CAMSAP1: variants seen among roughly 807,000 people sequenced by gnomAD.
CAMSAP1 encodes calmodulin-regulated spectrin-associated protein 1.
A neutral mutation model predicts 143.5 loss-of-function variants in CAMSAP1; 58 were observed. The ratio of observed to expected loss-of-function variants is 0.40; its 90% CI spans 0.33 to 0.50. The LOEUF (loss-of-function observed/expected upper bound fraction) is 0.50. CAMSAP1 is among the 20% of genes least tolerant of loss of function. CAMSAP1 has a pLI of 0.45. For missense variants in CAMSAP1, 1,969 were observed against 2,115.7 expected, an observed-to-expected ratio of 0.93 and a Z score of 1.36; for synonymous variants, 945 against 859.3, an observed-to-expected ratio of 1.10 and a Z score of -1.74.
At chr9:135,889,005 A>AC (rs1192089856) in intron 1 of CAMSAP1, among the ~76,000 whole-genome samples, 1 of 152,106 alleles carries the variant, frequency 6.6e-6, no homozygotes, top group Middle Eastern at 3.2e-3. Flanking sequence ...AGCAAGGGAG[A>AC]CCCTCGGGAA....
chr9:135,895,120 A>G (rs1487304472), intron 1 of CAMSAP1, among the ~76,000 whole-genome samples: 1 of 152,252 alleles, frequency 6.6e-6, no homozygotes. Context: ...CGGGAGAATA[A>G]CAAAAGATCC....
chr9:135,848,511 AC>A (rs1836658223), intron 7 of CAMSAP1, among the ~76,000 whole-genome samples: 1 of 151,664 alleles, frequency 6.6e-6, no homozygotes, highest in Non-Finnish European at 1.5e-5. Context: ...CCAGACACAC[AC>A]ACACACACAC....
In CAMSAP1 at chr9:135,883,747, C is replaced by T. The variant is rs1295648926; in HGVS notation, c.161-669G>A. Among the ~76,000 whole-genome samples, 5 of 152,354 alleles carry T rather than the reference C, an allele frequency of 3.3e-5. No homozygotes were observed. The South Asian group carries it at 1.0e-3, about 32-fold the overall frequency. On this transcript the variant is annotated intron_variant, in intron 1 of 16. Transcript: ENST00000389532. ...TGAACCACGCTACTTAATCTTGCCACTGCAGTTCCCTCAAATGAGGACTAC... is the reference window on the plus strand; with the variant it reads ...TGAACCACGCTACTTAATCTTGCCATTGCAGTTCCCTCAAATGAGGACTAC...
intron 5 of CAMSAP1, among the ~76,000 whole-genome samples, chr9:135,851,888 CTG>C (rs1836795712): frequency 6.6e-6 from 1 of 152,238 alleles, no homozygotes; most frequent in Non-Finnish European, 1.5e-5. Context: ...CAGGCATACT[CTG>C]AGAGGGGACT....
At position 135,882,587 on chromosome 9, in the gene CAMSAP1, T is replaced by C. The variant is rs1837995016; in HGVS notation, c.423+229A>G. On this transcript the variant is annotated intron_variant, in intron 2 of 16. Coordinates refer to ENST00000389532, the MANE Select transcript of CAMSAP1 (RefSeq NM_015447.4). This position sits in a 1 kb window ranked among gnomAD's most constrained non-coding sequence, Gnocchi z 4.9. ...CTCCAATCTCAGCATTCACAGAGCA[T>C]TCCCAATGAGAAAAAGAGCTCAATG... 6.6e-6 allele frequency among the ~76,000 whole-genome samples: 1 copy of C among 152,246 alleles called. No individual in the cohort carries two copies. The highest frequency in any genetic ancestry group is 1.5e-5 in the Non-Finnish European group (1 of 68,036).
intron 1 of CAMSAP1, among the ~76,000 whole-genome samples, chr9:135,890,634 G>A (rs1468992810): frequency 6.6e-6 from 1 of 152,158 alleles, no homozygotes; most frequent in Admixed American, 6.5e-5. Flanking sequence ...CCAGCCTCAG[G>A]GGACTAGAGC....
intron 3 of CAMSAP1, among the ~76,000 whole-genome samples, chr9:135,878,611 T>C (rs1051310631): frequency 6.6e-6 from 1 of 152,124 alleles, no homozygotes; most frequent in Non-Finnish European, 1.5e-5. Flanking sequence ...ACCCCACCTG[T>C]AGAGTGAAAG....
intron 7 of CAMSAP1, among the ~76,000 whole-genome samples, chr9:135,836,002 A>C (rs1429974315): frequency 3.9e-5 from 6 of 152,148 alleles, no homozygotes; most frequent in African/African-American, 1.4e-4. Flanking sequence ...AAAAACAACA[A>C]AAAAATTATT....
rs1837868748 is a variant in CAMSAP1 at position 135,879,621 on chromosome 9, A to G, written c.585+2012T>C. On this transcript the variant is annotated intron_variant, in intron 3 of 16. Transcript: ENST00000389532. Reference sequence around the variant, plus strand: ...GACATGGGAAAAGACACCTACACAAACTAATAGAAAGGAAAATGTTACAAT... The same window carrying G: ...GACATGGGAAAAGACACCTACACAAGCTAATAGAAAGGAAAATGTTACAAT... Among the ~76,000 whole-genome samples, 2 of 152,028 alleles carry G rather than the reference A, an allele frequency of 1.3e-5. 1 individual carries two copies. Among genetic ancestry groups the G allele is most frequent in the African/African-American group, 4.8e-5 (2 of 41,368 alleles).
intron 5 of CAMSAP1, among the ~76,000 whole-genome samples, chr9:135,852,554 T>C (rs1043273291): frequency 5.9e-5 from 9 of 152,212 alleles, no homozygotes; most frequent in Non-Finnish European, 1.2e-4. Flanking sequence ...GAGATGTCTA[T>C]GCCGCCATGT....
chr9:135,821,931 G>C lies in CAMSAP1; in HGVS notation c.2730C>G (p.Leu910=), dbSNP rs745810794. The change falls in exon 11 of 17, where the codon CTC becomes CTG. Residue 910 remains leucine (L), a synonymous_variant. Transcript: ENST00000389532. The surrounding 1 kb of genome is among the most constrained non-coding windows in gnomAD (Gnocchi z 4.6). ...EALSARQRLK[L]GKAAFLHVVK... ...CCACATGCAGGAATGCAGCCTTGCCGAGCTTCAGGCGCTGCCTTGCCGACA... is the reference window on the plus strand; with the variant it reads ...CCACATGCAGGAATGCAGCCTTGCCCAGCTTCAGGCGCTGCCTTGCCGACA... 1.7e-5 allele frequency: 27 copies of C among 1,613,108 alleles called. No individual in the cohort carries two copies. The East Asian group carries it at 3.8e-4, about 23-fold the overall frequency.
At chr9:135,874,862 G>A (rs745889071) in intron 3 of CAMSAP1, among the ~76,000 whole-genome samples, 8 of 151,888 alleles carry the variant, frequency 5.3e-5, no homozygotes, top group Non-Finnish European at 1.2e-4. Flanking sequence ...ACGTTTCTAC[G>A]GACTAGTAAC....
intron 1 of CAMSAP1, 30 bp downstream of exon 1, chr9:135,906,970 C>CCCCCGCCCCGCGCCCCTCA (rs1838803768): frequency 6.9e-6 from 7 of 1,014,548 alleles, no homozygotes; most frequent in Non-Finnish European, 8.3e-6. Flanking sequence ...GCGCCCCTGG[C>CCCCCGCCCCGCGCCCCTCA]CCCCGCCCCG....
intron 5 of CAMSAP1, among the ~76,000 whole-genome samples, chr9:135,855,239 A>C (rs748349451): frequency 6.6e-6 from 1 of 151,662 alleles, no homozygotes; most frequent in Non-Finnish European, 1.5e-5. Flanking sequence ...TGATCCACCC[A>C]CCTTGGCCTC....
At chr9:135,847,442 G>A (rs1836595968) in intron 7 of CAMSAP1, among the ~76,000 whole-genome samples, 2 of 151,984 alleles carry the variant, frequency 1.3e-5, no homozygotes, top group South Asian at 4.2e-4. Context: ...ATTCACAATG[G>A]CAAAGACTTG....
intron 1 of CAMSAP1, among the ~76,000 whole-genome samples, chr9:135,903,673 C>A (rs1014768875): frequency 2.0e-5 from 3 of 152,240 alleles, no homozygotes; most frequent in Admixed American, 6.5e-5. Flanking sequence ...CTTTAGTTAG[C>A]AACCTAATGA....
At chr9:135,892,666 C>A (rs1050837176) in intron 1 of CAMSAP1, among the ~76,000 whole-genome samples, 1 of 151,672 alleles carries the variant, frequency 6.6e-6, no homozygotes, top group African/African-American at 2.4e-5. Flanking sequence ...TCCTGGCCAA[C>A]GTGGTGAAAC....
At chr9:135,888,923 CA>C (rs1838209602) in intron 1 of CAMSAP1, among the ~76,000 whole-genome samples, 1 of 152,238 alleles carries the variant, frequency 6.6e-6, no homozygotes, top group African/African-American at 2.4e-5. Flanking sequence ...GACAAGCACA[CA>C]CCCCACAGGG....
intron 1 of CAMSAP1, among the ~76,000 whole-genome samples, chr9:135,898,933 C>T (rs567059740): frequency 6.6e-6 from 1 of 152,102 alleles, no homozygotes; most frequent in African/African-American, 2.4e-5. Flanking sequence ...TAGCCAAAAG[C>T]TGGAAATGCC....
Sources: allele counts gnomAD v4.1 joint callset (sites outside exome capture counted in the v4.1 genomes callset), GRCh38; gene constraint gnomAD v4.1.1; non-coding constraint Gnocchi (gnomAD v3.1); transcripts MANE v1.5; gene names NCBI Gene and HGNC (gene_info 2026-07-23, HGNC 2026-07-21).